The following VAV3 variants were observed in gnomAD, a reference collection of about 807,000 sequenced individuals.
VAV3 encodes vav guanine nucleotide exchange factor 3.
Under a neutral mutation model 131.2 loss-of-function variants are expected in VAV3, and 94 were observed. That is an observed-to-expected ratio of 0.72 (90% CI 0.61 to 0.85). The LOEUF (loss-of-function observed/expected upper bound fraction) is 0.85, where lower values mean the gene tolerates loss of function less well. Ranked by LOEUF, VAV3 falls within the 40% of genes least tolerant of loss-of-function variation. The pLI is 0.00. For missense variants in VAV3, 939 were observed against 1,002.7 expected, an observed-to-expected ratio of 0.94 and a Z score of 0.86; for synonymous variants, 349 against 342.0, an observed-to-expected ratio of 1.02 and a Z score of -0.22.
intron 1 of VAV3, among the ~76,000 whole-genome samples, chr1:107,928,081 A>G (rs1673248914): frequency 6.6e-6 from 1 of 152,162 alleles, no homozygotes; most frequent in African/African-American, 2.4e-5. Flanking sequence ...GAGAAACTCT[A>G]TTTGGGATAA....
chr1:107,716,756 A>G (rs1205167371), intron 15 of VAV3, among the ~76,000 whole-genome samples: 2 of 152,194 alleles, frequency 1.3e-5, no homozygotes, highest in Non-Finnish European at 1.5e-5. Context: ...GCCTCATAAA[A>G]TGAGTTAGGG....
chr1:107,579,857 G>T (rs764042879), intron 25 of VAV3, among the ~76,000 whole-genome samples: 50 of 152,048 alleles, frequency 3.3e-4, no homozygotes, highest in Admixed American at 1.7e-3. Flanking sequence ...ACTACCTCCT[G>T]AGGCCCTCAG....
intron 2 of VAV3, among the ~76,000 whole-genome samples, chr1:107,806,139 T>A (rs1327801550): frequency 6.6e-6 from 1 of 152,164 alleles, no homozygotes; most frequent in African/African-American, 2.4e-5. Context: ...CAGGGATATT[T>A]CTCCCTTCAG....
At chr1:107,610,068 G>A (rs1652605321) in intron 21 of VAV3, 103 bp from the exon 22 acceptor site, 1 of 1,022,358 alleles carries the variant, frequency 9.8e-7, no homozygotes, top group Non-Finnish European at 1.5e-6. Flanking sequence ...AAAACCCTAA[G>A]TGGCACAGTC....
chr1:107,918,706 T>TATA (rs1491228523), intron 1 of VAV3, among the ~76,000 whole-genome samples: 78 of 51,466 alleles, frequency 1.5e-3, no homozygotes, highest in African/African-American at 3.5e-3. Flanking sequence ...TATATATATA[T>TATA]TTTTTTTTTT....
rs184715371 is a variant in VAV3, at chr1:107,686,632, C to T, written c.1731+1749G>A. ...TCAGAGCTTACTATAATCCTCCATC[C>T]ACACAAAACAGAGATTTTTAGTACA... On this transcript the variant is annotated intron_variant, in intron 18 of 26. Transcript: ENST00000370056. Among the ~76,000 whole-genome samples the T allele has an allele frequency of 1.2e-3, 175 of 151,928 alleles. 1 individual carries two copies. The highest frequency in any genetic ancestry group is 3.7e-3 in the Admixed American group (57 of 15,270).
intron 1 of VAV3, among the ~76,000 whole-genome samples, chr1:107,943,611 A>T (rs984157955): frequency 3.9e-5 from 6 of 152,150 alleles, no homozygotes; most frequent in Admixed American, 3.9e-4. Flanking sequence ...GCATGGTGGC[A>T]CACACCTGTA....
intron 5 of VAV3, among the ~76,000 whole-genome samples, chr1:107,771,106 A>G (rs1665016704): frequency 6.6e-6 from 1 of 152,204 alleles, no homozygotes. Context: ...AAGTAAGTAA[A>G]GACCTTCAAA....
At chr1:107,872,540 C>A (rs1445678101) in intron 2 of VAV3, among the ~76,000 whole-genome samples, 1 of 152,136 alleles carries the variant, frequency 6.6e-6, no homozygotes, top group East Asian at 1.9e-4. Context: ...TATTTTGTTT[C>A]TGAATTAACA....
At chr1:107,831,161 G>C (rs1668231370) in intron 2 of VAV3, among the ~76,000 whole-genome samples, 1 of 151,604 alleles carries the variant, frequency 6.6e-6, no homozygotes, top group South Asian at 2.1e-4. Flanking sequence ...TTCGGGTTTT[G>C]TGAGTTTAAA....
intron 9 of VAV3, among the ~76,000 whole-genome samples, chr1:107,761,742 CA>C (rs1323525180): frequency 6.6e-6 from 1 of 152,146 alleles, no homozygotes; most frequent in Non-Finnish European, 1.5e-5. Flanking sequence ...TAATTATTAT[CA>C]TATGTAATAT....
chr1:107,757,016 A>G (rs1212714317), intron 11 of VAV3, among the ~76,000 whole-genome samples: 1 of 151,254 alleles, frequency 6.6e-6, no homozygotes, highest in Admixed American at 6.6e-5. Context: ...AATTAAATCC[A>G]TGCAAGGATA....
In VAV3 at chr1:107,683,500, GT is replaced by G; in HGVS notation, c.1764del (p.Lys588AsnfsTer41). The G allele has an allele frequency of 6.2e-7, 1 of 1,614,052 alleles. No individual in the cohort carries two copies. The highest frequency in any genetic ancestry group is 8.5e-7 in the Non-Finnish European group (1 of 1,179,922). On this transcript the variant is annotated frameshift_variant, in exon 19 of 27. Transcript: ENST00000370056. LOFTEE classifies it high-confidence loss of function. ...ATCAGAAACACACCTGGATCCACCT[GT>G]TTAGGAGTTCTTCGCAGTCCATTGG... ...KRTNGLRRTP[K>X]QVDPGLPKMQ... is the part of the protein sequence containing the mutation.
chr1:107,852,720 T>C (rs1669283283), intron 2 of VAV3, among the ~76,000 whole-genome samples: 1 of 152,200 alleles, frequency 6.6e-6, no homozygotes, highest in Non-Finnish European at 1.5e-5. Context: ...CTTAAGTATG[T>C]AAGACTCTCT....
At chr1:107,709,164 C>T (rs973373783) in intron 15 of VAV3, among the ~76,000 whole-genome samples, 2 of 152,082 alleles carry the variant, frequency 1.3e-5, no homozygotes, top group Admixed American at 6.6e-5. Context: ...AACTTTGTAC[C>T]GCCCTAAAAG....
At position 107,851,573 on chromosome 1, in the gene VAV3, A is replaced by T. The variant is rs536711272; in HGVS notation, c.321+23328T>A. On this transcript the variant is annotated intron_variant, in intron 2 of 26. Transcript: ENST00000370056. Reference sequence around the variant, plus strand: ...TTGCAAGATAAAAAAGTCACCACATACCCTACACTTGTTAAGAGCTCTTTA... The same window carrying T: ...TTGCAAGATAAAAAAGTCACCACATTCCCTACACTTGTTAAGAGCTCTTTA... 5.3e-5 allele frequency among the ~76,000 whole-genome samples: 8 copies of T among 152,256 alleles called. No homozygotes were observed. In the East Asian group the frequency reaches 1.4e-3, roughly 26 times the overall value.
At chr1:107,737,071 CT>C (rs1307295772) in intron 15 of VAV3, among the ~76,000 whole-genome samples, 1 of 152,172 alleles carries the variant, frequency 6.6e-6, no homozygotes, top group Non-Finnish European at 1.5e-5. Context: ...AACATCTGAT[CT>C]TTGACAATCC....
chr1:107,813,004 T>C (rs1210659392), intron 2 of VAV3, among the ~76,000 whole-genome samples: 1 of 151,412 alleles, frequency 6.6e-6, no homozygotes, highest in African/African-American at 2.4e-5. Flanking sequence ...GCACCTGTAG[T>C]CCCAGCTACT....
chr1:107,724,750 G>T (rs565431690), intron 15 of VAV3, among the ~76,000 whole-genome samples: 1 of 152,010 alleles, frequency 6.6e-6, no homozygotes, highest in African/African-American at 2.4e-5. Context: ...TATGATGAAA[G>T]GTGCAGAGGT....
Sources: gnomAD v4.1 joint callset for allele counts (sites outside exome capture counted in the v4.1 genomes callset) on GRCh38, gnomAD v4.1.1 for gene constraint, MANE v1.5 for transcripts, NCBI Gene and HGNC (gene_info 2026-07-23, HGNC 2026-07-21) for gene names.